Variants in FAM168B observed in about 807,000 individuals in gnomAD.
FAM168B encodes myelin-associated neurite-outgrowth inhibitor.
Under a neutral mutation model 21.8 loss-of-function variants are expected in FAM168B, and 19 were observed. The ratio of observed to expected loss-of-function variants is 0.87; its 90% CI spans 0.61 to 1.28. FAM168B has a LOEUF of 1.28. Among genes scored for constraint, FAM168B ranks in the 50% most tolerant of loss-of-function variants. The pLI is 0.00. For synonymous variants in FAM168B, 126 were observed against 104.8 expected (o/e 1.20, Z -1.24); for missense variants, 233 against 263.1 (o/e 0.89, Z 0.79).
chr2:131,071,842 A>C lies in FAM168B; in HGVS notation c.154+13T>G. 1 of 1,612,820 alleles carries C rather than the reference A, an allele frequency of 6.2e-7. No homozygotes were observed. The highest frequency in any genetic ancestry group is 8.5e-7 in the Non-Finnish European group (1 of 1,178,980). ...AGCTGTACGTACAAAGCATTTTACC[A>C]CCCAGCACATACCTGTTTGGAAGGT... On this transcript the variant is annotated intron_variant, in intron 3 of 6. Transcript: ENST00000389915.
chr2:131,066,376 C>T (rs1022919355), intron 3 of FAM168B, among the ~76,000 whole-genome samples: 3 of 152,072 alleles, frequency 2.0e-5, no homozygotes, highest in Admixed American at 6.6e-5. Context: ...GGGGTTTCAC[C>T]GTGTTAGCCA....
chr2:131,064,888 C>T (rs144697773), intron 3 of FAM168B, among the ~76,000 whole-genome samples: 5 of 152,248 alleles, frequency 3.3e-5, no homozygotes, highest in Admixed American at 2.6e-4. Context: ...CTCAACACAT[C>T]GGGGGTAGCT....
intron 3 of FAM168B, among the ~76,000 whole-genome samples, chr2:131,063,196 TAGC>T (rs1425314494): frequency 5.9e-5 from 9 of 152,294 alleles, no homozygotes; most frequent in South Asian, 4.1e-4. Context: ...CGTAGAATCT[TAGC>T]AGTCCATATA....
chr2:131,088,904 T>G (rs995138757), intron 1 of FAM168B, among the ~76,000 whole-genome samples: 3 of 151,644 alleles, frequency 2.0e-5, no homozygotes, highest in African/African-American at 7.3e-5. Flanking sequence ...CCACCAACTT[T>G]CCAGTCTAAT....
chr2:131,077,087 G>A (rs796371913), intron 2 of FAM168B, among the ~76,000 whole-genome samples: 4 of 151,924 alleles, frequency 2.6e-5, no homozygotes, highest in African/African-American at 9.7e-5. Flanking sequence ...ACAAACATAG[G>A]GCTGTTCACA....
intron 3 of FAM168B, among the ~76,000 whole-genome samples, chr2:131,066,157 G>GT (rs1692546150): frequency 6.8e-6 from 1 of 146,150 alleles, no homozygotes; most frequent in Admixed American, 6.9e-5. Context: ...TGCAACATTT[G>GT]TATCTTTTTT....
Position 131,047,911 on chromosome 2 carries a change from A to G in FAM168B, c.*4554T>C. 9.6e-6 allele frequency: 2 copies of G among 208,170 alleles called. 1 individual carries two copies. The highest frequency in any genetic ancestry group is 1.4e-4 in the South Asian group (2 of 13,952). 12.9% of individuals were successfully genotyped at this position (208,170 alleles called of 1,614,324 possible). A position where few individuals can be genotyped will look rare whatever the true frequency, so the allele number is the denominator to read the frequency against. On this transcript the variant is annotated 3_prime_UTR_variant, in exon 7 of 7. Transcript: ENST00000389915. ...GTCAATCTTTATTGAAAACTGCAGT[A>G]TTAATACATAACAATTCTTGTTACA...
chr2:131,072,915 G>A (rs956100486), intron 2 of FAM168B, among the ~76,000 whole-genome samples: 5 of 152,110 alleles, frequency 3.3e-5, no homozygotes. Context: ...AGTCTAGCTT[G>A]GACTCAAGGG....
chr2:131,065,467 C>T (rs2105499129), intron 3 of FAM168B, among the ~76,000 whole-genome samples: 1 of 152,114 alleles, frequency 6.6e-6, no homozygotes, highest in South Asian at 2.1e-4. Context: ...CCAAGGGTTT[C>T]ATTTTATGGC....
chr2:131,071,315 G>A (rs1358806402), intron 3 of FAM168B, among the ~76,000 whole-genome samples: 2 of 152,078 alleles, frequency 1.3e-5, no homozygotes, highest in Non-Finnish European at 2.9e-5. Context: ...AAGTCCAAAA[G>A]GAACCAACAC....
At chr2:131,092,136 TC>T (rs1416699729) in intron 1 of FAM168B, among the ~76,000 whole-genome samples, 1 of 145,998 alleles carries the variant, frequency 6.8e-6, no homozygotes, top group African/African-American at 2.6e-5. Flanking sequence ...AGAGGGAGAC[TC>T]CGTCTCAAAA....
At position 131,055,562 on chromosome 2, in the gene FAM168B, C is replaced by T. The variant is rs757935212; in HGVS notation, c.288G>A (p.Pro96=). ...PVRSAYPQQS[P]YAQQGTYYTQ... is the part of the protein sequence containing the mutation. ...GTGTACCCAAGCATACCTGTGCATACGGGCTCTGCTGGGGGTAGGCACTTC... is the reference window on the plus strand; with the variant it reads ...GTGTACCCAAGCATACCTGTGCATATGGGCTCTGCTGGGGGTAGGCACTTC... The change falls in exon 4 of 7, where the codon CCG becomes CCA. Residue 96 remains proline (P), a synonymous_variant. Coordinates refer to ENST00000389915, the MANE Select transcript of FAM168B (RefSeq NM_001009993.4). 2.9e-5 allele frequency: 46 copies of T among 1,603,214 alleles called. No homozygotes were observed. The highest frequency in any genetic ancestry group is 3.3e-4 in the Middle Eastern group (2 of 6,002).
At chr2:131,087,536 A>G (rs1044875257) in intron 1 of FAM168B, among the ~76,000 whole-genome samples, 1 of 152,248 alleles carries the variant, frequency 6.6e-6, no homozygotes, top group African/African-American at 2.4e-5. Flanking sequence ...GGATCAAATC[A>G]GCCTCAGAAA....
Position 131,049,158 on chromosome 2 carries a change from G to A in FAM168B, c.*3307C>T, listed in dbSNP as rs1385182586. ...GTACGTCGCAAGTTGCTGTAATAAT[G>A]TATTTCCTCTCGTTACTGTTGTGTC... On this transcript the variant is annotated 3_prime_UTR_variant, in exon 7 of 7. Transcript: ENST00000389915. The A allele has an allele frequency of 3.0e-6, 3 of 985,266 alleles. No homozygotes were observed. Among genetic ancestry groups the A allele is most frequent in the East Asian group, 1.1e-4 (1 of 8,824 alleles). 61.0% of individuals were successfully genotyped at this position (985,266 alleles called of 1,614,324 possible).
chr2:131,055,590 A>C lies in FAM168B; in HGVS notation c.260T>G (p.Val87Gly). 6.2e-7 allele frequency: 1 copy of C among 1,607,450 alleles called. No individual in the cohort carries two copies. Among genetic ancestry groups the C allele is most frequent in the Non-Finnish European group, 8.5e-7 (1 of 1,176,860 alleles). ...GCTCTGCTGGGGGTAGGCACTTCGCACAGGGTACACGGCAGTCTGGTAGGG... is the reference window on the plus strand; with the variant it reads ...GCTCTGCTGGGGGTAGGCACTTCGCCCAGGGTACACGGCAGTCTGGTAGGG... ...PNPYQTAVYP[V>G]RSAYPQQSPY... is the part of the protein sequence containing the mutation. Residue 87 changes from valine (V) to glycine (G), a missense_variant, in exon 4 of 7, where the codon GTG becomes GGG. By Grantham distance (109) the Val-to-Gly change is moderately radical. Coordinates refer to ENST00000389915, the MANE Select transcript of FAM168B (RefSeq NM_001009993.4).
At chr2:131,093,066 G>GCC (rs926715651) in intron 1 of FAM168B, 148 bp downstream of exon 1, 2 of 151,240 alleles carry the variant, frequency 1.3e-5, no homozygotes, top group Non-Finnish European at 2.9e-5. Context: ...GCCCGGCCTT[G>GCC]CCCGCGGCAC....
At chr2:131,072,305 G>A (rs933894089) in intron 2 of FAM168B, among the ~76,000 whole-genome samples, 3 of 151,616 alleles carry the variant, frequency 2.0e-5, no homozygotes. Flanking sequence ...TCTATTTTTA[G>A]TAGAGACGGG....
chr2:131,057,854 G>A (rs944865749), intron 3 of FAM168B, among the ~76,000 whole-genome samples: 1 of 151,768 alleles, frequency 6.6e-6, no homozygotes. Flanking sequence ...TTTTTGAGAT[G>A]GAGTCTTGCT....
Position 131,050,045 on chromosome 2 carries a change from A to G in FAM168B, c.*2420T>C. 1.0e-6 allele frequency: 1 copy of G among 985,500 alleles called. No individual in the cohort carries two copies. The highest frequency in any genetic ancestry group is 1.2e-6 in the Non-Finnish European group (1 of 829,944). The allele number at this position is 985,500 out of a possible 1,614,324, so 61.0% of individuals were successfully genotyped here. A position where few individuals can be genotyped will look rare whatever the true frequency, so the allele number is the denominator to read the frequency against. Reference sequence around the variant, plus strand: ...GATGTGCAATGCAAACTTATTTCATAAAGCCTCTCAACTTCATAAAAGGGA... The same window carrying G: ...GATGTGCAATGCAAACTTATTTCATGAAGCCTCTCAACTTCATAAAAGGGA... On this transcript the variant is annotated 3_prime_UTR_variant, in exon 7 of 7. Transcript: ENST00000389915.
Sources: gnomAD v4.1 joint callset for allele counts (sites outside exome capture counted in the v4.1 genomes callset) on GRCh38, gnomAD v4.1.1 for gene constraint, MANE v1.5 for transcripts, NCBI Gene and HGNC (gene_info 2026-07-23, HGNC 2026-07-21) for gene names.